PTPRN2: variants seen among roughly 807,000 people sequenced by gnomAD.
The protein encoded by PTPRN2 is protein tyrosine phosphatase receptor type N2, also known as receptor-type tyrosine-protein phosphatase N2.
In PTPRN2, 74 loss-of-function variants were observed where a neutral mutation model predicts 118.8. The ratio of observed to expected loss-of-function variants is 0.62; its 90% CI spans 0.52 to 0.76. The LOEUF is 0.76. Among genes scored for constraint, PTPRN2 ranks in the 30% least tolerant of loss-of-function variants. The pLI is 0.00. For missense variants in PTPRN2, 1,481 were observed against 1,394.4 expected (o/e 1.06, Z -0.99); for synonymous variants, 641 against 608.0 (o/e 1.05, Z -0.80).
intron 12 of PTPRN2, among the ~76,000 whole-genome samples, chr7:157,765,693 C>T (rs771300622): frequency 6.7e-6 from 1 of 150,364 alleles, no homozygotes; most frequent in African/African-American, 2.4e-5. Context: ...CCCACATACC[C>T]ATCCACCCAT....
chr7:158,212,800 T>C (rs1419335577), intron 3 of PTPRN2, among the ~76,000 whole-genome samples: 2 of 152,104 alleles, frequency 1.3e-5, no homozygotes, highest in Non-Finnish European at 2.9e-5. Context: ...AAGACAGCAA[T>C]TGGAATGGAA....
At chr7:157,814,497 C>A (rs1483169788) in intron 12 of PTPRN2, among the ~76,000 whole-genome samples, 1 of 125,578 alleles carries the variant, frequency 8.0e-6, no homozygotes, top group Non-Finnish European at 1.6e-5. Flanking sequence ...AGAGGAGAGA[C>A]ACGGGGCAGG....
intron 12 of PTPRN2, among the ~76,000 whole-genome samples, chr7:157,838,461 A>G (rs370473134): frequency 8.8e-3 from 481 of 54,774 alleles, no homozygotes; most frequent in East Asian, 0.01. Context: ...AGTTCCTCTC[A>G]TAGTGGATGG....
intron 18 of PTPRN2, among the ~76,000 whole-genome samples, chr7:157,577,174 C>G (rs897816736): frequency 5.9e-5 from 9 of 152,212 alleles, no homozygotes; most frequent in Non-Finnish European, 1.3e-4. Flanking sequence ...CTCAGTGGTT[C>G]CACTCTAAGT....
chr7:157,542,219 C>T (rs1314930201), intron 22 of PTPRN2, among the ~76,000 whole-genome samples: 4 of 152,268 alleles, frequency 2.6e-5, no homozygotes, highest in East Asian at 1.9e-4. Context: ...CAAGTGTGTT[C>T]GATGAAGGTG....
At chr7:158,532,644 C>A (rs1185261955) in intron 1 of PTPRN2, 7 of 485,236 alleles carry the variant, frequency 1.4e-5, no homozygotes, top group Non-Finnish European at 2.6e-5. Flanking sequence ...CTTCAAAAAC[C>A]CGGGACATGA....
At chr7:158,342,178 G>A (rs538887636) in intron 2 of PTPRN2, among the ~76,000 whole-genome samples, 1 of 136,280 alleles carries the variant, frequency 7.3e-6, no homozygotes, top group East Asian at 2.3e-4. Context: ...CACCATAAGA[G>A]CCGACGCCCA....
At chr7:157,689,889 C>T (rs1184325087) in intron 12 of PTPRN2, among the ~76,000 whole-genome samples, 1 of 152,190 alleles carries the variant, frequency 6.6e-6, no homozygotes, top group South Asian at 2.1e-4. Flanking sequence ...CTCGGAGGCG[C>T]GCTCCCGGAC....
intron 9 of PTPRN2, among the ~76,000 whole-genome samples, chr7:158,123,896 C>T: frequency 6.6e-6 from 1 of 152,206 alleles, no homozygotes; most frequent in South Asian, 2.1e-4. Context: ...CCCGTGCCGA[C>T]CCAGGCGGAA....
At chr7:157,545,676 TTC>T (rs1227213960) in intron 22 of PTPRN2, among the ~76,000 whole-genome samples, 6 of 152,036 alleles carry the variant, frequency 3.9e-5, no homozygotes, top group Non-Finnish European at 8.8e-5. Flanking sequence ...GTGAAACATT[TTC>T]TATTCGACCC....
intron 2 of PTPRN2, among the ~76,000 whole-genome samples, chr7:158,397,204 G>A (rs2151392780): frequency 6.6e-6 from 1 of 152,340 alleles, no homozygotes; most frequent in African/African-American, 2.4e-5. Flanking sequence ...ACAAGATTCA[G>A]AGAGGCTCAC....
chr7:158,072,043 G>A (rs578084778), intron 11 of PTPRN2, among the ~76,000 whole-genome samples: 10 of 139,602 alleles, frequency 7.2e-5, no homozygotes, highest in Admixed American at 5.7e-4. Flanking sequence ...AGGTGCTCGT[G>A]GTGGTGGAGG....
intron 2 of PTPRN2, among the ~76,000 whole-genome samples, chr7:158,368,482 T>C (rs920366434): frequency 6.6e-6 from 1 of 152,182 alleles, no homozygotes; most frequent in African/African-American, 2.4e-5. Context: ...TTTCCATACA[T>C]GATGGAAGCC....
Position 157,671,075 on chromosome 7 carries a change from A to G in PTPRN2, c.2001+11650T>C, listed in dbSNP as rs1169123893. ...ACTCTGGACCTGAGAATTGCACAGG[A>G]TGGTTTCCAAGAGGGTTTACATGCT... On this transcript the variant is annotated intron_variant, in intron 13 of 22. Transcript: ENST00000389418. The surrounding 1 kb of genome is among the most constrained non-coding windows in gnomAD (Gnocchi z 4.1). Among the ~76,000 whole-genome samples the G allele has an allele frequency of 1.3e-5, 2 of 152,134 alleles. No individual in the cohort carries two copies. Among genetic ancestry groups the G allele is most frequent in the Admixed American group, 1.3e-4 (2 of 15,276 alleles).
At chr7:157,681,732 G>A (rs552150824) in intron 13 of PTPRN2, among the ~76,000 whole-genome samples, 6 of 152,306 alleles carry the variant, frequency 3.9e-5, no homozygotes, top group Middle Eastern at 6.8e-3. Flanking sequence ...TGTGGAGAGA[G>A]CTTGAGAGCC....
chr7:158,422,106 A>G (rs935899391), intron 2 of PTPRN2, among the ~76,000 whole-genome samples: 3 of 152,218 alleles, frequency 2.0e-5, no homozygotes, highest in Non-Finnish European at 4.4e-5. Flanking sequence ...GAAAAGTATC[A>G]CTAAAACGCA....
chr7:158,294,274 T>A (rs545463789), intron 3 of PTPRN2, among the ~76,000 whole-genome samples: 1 of 152,346 alleles, frequency 6.6e-6, no homozygotes, highest in East Asian at 1.9e-4. Context: ...TCAACATCAC[T>A]TGAACCTACA....
intron 12 of PTPRN2, among the ~76,000 whole-genome samples, chr7:157,692,835 C>A (rs907563204): frequency 1.6e-4 from 24 of 152,222 alleles, no homozygotes; most frequent in African/African-American, 5.8e-4. Flanking sequence ...CCCGCAAAAA[C>A]CCCCGCACCC....
chr7:157,556,717 G>A (rs189799278), intron 21 of PTPRN2, among the ~76,000 whole-genome samples: 2 of 140,360 alleles, frequency 1.4e-5, no homozygotes, highest in Non-Finnish European at 3.1e-5. Context: ...ACACATGTGT[G>A]CACATGCCCA....
Sources: allele counts gnomAD v4.1 joint callset (sites outside exome capture counted in the v4.1 genomes callset), GRCh38; gene constraint gnomAD v4.1.1; non-coding constraint Gnocchi (gnomAD v3.1); transcripts MANE v1.5; gene names NCBI Gene and HGNC (gene_info 2026-07-23, HGNC 2026-07-21).